The following HTR2C variants were observed in gnomAD, a reference collection of about 807,000 sequenced individuals.
HTR2C encodes the protein 5-hydroxytryptamine receptor 2C.
A neutral mutation model predicts 21.0 loss-of-function variants in HTR2C; 5 were observed. That is an observed-to-expected ratio of 0.24 (90% CI 0.12 to 0.50). The LOEUF is 0.50. Ranked by LOEUF, HTR2C falls within the 20% of genes least tolerant of loss-of-function variation. The pLI is 0.98. For missense variants in HTR2C, 271 were observed against 371.2 expected (o/e 0.73, Z 2.22); for synonymous variants, 150 against 145.3 (o/e 1.03, Z -0.23).
chrX:114,810,679 C>T (rs1556452497), intron 4 of HTR2C, among the ~76,000 whole-genome samples: 1 of 108,460 alleles, frequency 9.2e-6, no homozygotes, highest in Non-Finnish European at 1.9e-5. Context: ...TCTTTCCTAC[C>T]CTCTCCAGTG....
intron 2 of HTR2C, among the ~76,000 whole-genome samples, chrX:114,723,030 C>A (rs1230090504): frequency 8.4e-4 from 93 of 111,360 alleles, no homozygotes; most frequent in African/African-American, 2.0e-3. Context: ...CTGGCCTCAT[C>A]AAATGAGTTA....
At position 114,637,430 on chromosome X, in the gene HTR2C, A is replaced by G. The variant is rs73638450; in HGVS notation, c.-80+23549A>G. On this transcript the variant is annotated intron_variant, in intron 2 of 5. Transcript: ENST00000276198. ...TAGGAAGAGGAAAAGAAAAAAGCAT[A>G]TGGAATTGCTTGACAATGTGCTGAA... Among the ~76,000 whole-genome samples, 962 of 112,208 alleles carry G rather than the reference A, an allele frequency of 8.6e-3. 12 individuals are homozygous for G. Among genetic ancestry groups the G allele is most frequent in the African/African-American group, 0.029 (893 of 30,908 alleles).
intron 2 of HTR2C, among the ~76,000 whole-genome samples, chrX:114,700,935 G>GC (rs199900023): frequency 0.028 from 3,122 of 112,199 alleles, 115 homozygotes; most frequent in African/African-American, 0.094. Flanking sequence ...AGGGTCCTAC[G>GC]CCCACGGAGT....
intron 4 of HTR2C, among the ~76,000 whole-genome samples, chrX:114,750,079 T>C (rs1362917573): frequency 2.7e-5 from 3 of 111,752 alleles, no homozygotes; most frequent in African/African-American, 9.8e-5. Context: ...TTTGTCTGAG[T>C]TGACGCATCT....
At chrX:114,776,362 A>G in intron 4 of HTR2C, 1 of 726,618 alleles carries the variant, frequency 1.4e-6, no homozygotes, top group Non-Finnish European at 2.2e-6. Flanking sequence ...CATTGGTAAC[A>G]GTCTTCCCAA....
intron 2 of HTR2C, among the ~76,000 whole-genome samples, chrX:114,638,105 C>G (rs1929921294): frequency 9.0e-6 from 1 of 111,513 alleles, no homozygotes; most frequent in South Asian, 3.7e-4. Flanking sequence ...TCAGGTTAAA[C>G]AGAATGCTTC....
chrX:114,676,138 G>A (rs1556412599), intron 2 of HTR2C, among the ~76,000 whole-genome samples: 2 of 111,115 alleles, frequency 1.8e-5, no homozygotes, highest in Non-Finnish European at 3.8e-5. Flanking sequence ...CCAAAGTGCT[G>A]GGATTACAGG....
intron 4 of HTR2C, among the ~76,000 whole-genome samples, 175 bp from the exon 5 acceptor site, chrX:114,847,828 C>T (rs782779245): frequency 1.6e-4 from 18 of 111,660 alleles, no homozygotes; most frequent in Admixed American, 7.6e-4. Context: ...ATATGTCACG[C>T]TGAAGGTATC....
intron 2 of HTR2C, among the ~76,000 whole-genome samples, chrX:114,667,242 AT>A (rs1376331492): frequency 3.6e-5 from 4 of 111,258 alleles, no homozygotes; most frequent in Admixed American, 2.9e-4. Flanking sequence ...AAAATTAATT[AT>A]TTATGCAGAG....
chrX:114,815,473 T>G (rs2070575792), intron 4 of HTR2C, among the ~76,000 whole-genome samples: 1 of 111,520 alleles, frequency 9.0e-6, no homozygotes, highest in Admixed American at 9.6e-5. Flanking sequence ...CAGAAATTAA[T>G]GAGCACTGAA....
chrX:114,657,755 G>T (rs929444426), intron 2 of HTR2C, among the ~76,000 whole-genome samples: 10 of 111,368 alleles, frequency 9.0e-5, no homozygotes, highest in Non-Finnish European at 1.9e-5. Context: ...CAACGTGCAG[G>T]TTAGTTACAT....
At chrX:114,813,915 C>T (rs1252403765) in intron 4 of HTR2C, among the ~76,000 whole-genome samples, 3 of 110,979 alleles carry the variant, frequency 2.7e-5, no homozygotes, top group African/African-American at 9.8e-5. Context: ...GAGATATAAA[C>T]AGAAAATTAC....
At chrX:114,790,658 A>G (rs1386834193) in intron 4 of HTR2C, among the ~76,000 whole-genome samples, 1 of 111,951 alleles carries the variant, frequency 8.9e-6, no homozygotes, top group African/African-American at 3.2e-5. Flanking sequence ...GTACATGTCT[A>G]TTAGAGGCAT....
chrX:114,874,502 A>C (rs1199978283), intron 5 of HTR2C, among the ~76,000 whole-genome samples: 7 of 110,119 alleles, frequency 6.4e-5, no homozygotes, highest in African/African-American at 2.3e-4. Context: ...TGACAGCTCA[A>C]TATGGTTTTG....
At chrX:114,714,783 G>A (rs944211529) in intron 2 of HTR2C, among the ~76,000 whole-genome samples, 3 of 111,431 alleles carry the variant, frequency 2.7e-5, no homozygotes, top group African/African-American at 9.8e-5. Context: ...TCTGTGTCAT[G>A]GATGAAAACA....
At chrX:114,658,873 G>C (rs1404132007) in intron 2 of HTR2C, among the ~76,000 whole-genome samples, 1 of 111,445 alleles carries the variant, frequency 9.0e-6, no homozygotes, top group Admixed American at 9.6e-5. Flanking sequence ...GATAAACAGG[G>C]TATTAACATA....
Position 114,805,645 on chromosome X carries a change from T to C in HTR2C, c.350-42358T>C, listed in dbSNP as rs1307203826. On this transcript the variant is annotated intron_variant, in intron 4 of 5. Coordinates refer to ENST00000276198, the MANE Select transcript of HTR2C (RefSeq NM_000868.4). ...ATATACCATATATATACCATATATA[T>C]ACACCATATATATACCATATATATA... 1.0e-4 allele frequency among the ~76,000 whole-genome samples: 3 copies of C among 29,615 alleles called. 1 individual carries two copies. The highest frequency in any genetic ancestry group is 1.8e-4 in the Non-Finnish European group (3 of 16,738). The allele number at this position is 29,615 out of a possible 115,157, so 25.7% of individuals were successfully genotyped here. A position where few individuals can be genotyped will look rare whatever the true frequency, so the allele number is the denominator to read the frequency against.
chrX:114,791,634 A>C (rs1256812219), intron 4 of HTR2C, among the ~76,000 whole-genome samples: 1 of 110,809 alleles, frequency 9.0e-6, no homozygotes, highest in Non-Finnish European at 1.9e-5. Flanking sequence ...TCAGAAGTTC[A>C]TTCATTCATT....
chrX:114,744,749 GC>G (rs1183284561), intron 4 of HTR2C, among the ~76,000 whole-genome samples: 1 of 111,539 alleles, frequency 9.0e-6, no homozygotes, highest in Non-Finnish European at 1.9e-5. Flanking sequence ...ACCGCACTCA[GC>G]CCCCCAAAGC....
Sources: gnomAD v4.1 joint callset for allele counts (sites outside exome capture counted in the v4.1 genomes callset) on GRCh38, gnomAD v4.1.1 for gene constraint, MANE v1.5 for transcripts, NCBI Gene and HGNC (gene_info 2026-07-23, HGNC 2026-07-21) for gene names.